ASB3: variants seen among roughly 807,000 people sequenced by gnomAD.
ASB3 encodes ankyrin repeat and SOCS box containing 3.
A neutral mutation model predicts 54.5 loss-of-function variants in ASB3; 41 were observed. That is an observed-to-expected ratio of 0.75 (90% CI 0.59 to 0.98). The LOEUF (loss-of-function observed/expected upper bound fraction) is 0.98. ASB3 is among the 50% of genes least tolerant of loss of function. ASB3 has a pLI of 0.00. For missense variants in ASB3, 733 were observed against 620.0 expected, an observed-to-expected ratio of 1.18 and a Z score of -1.94; for synonymous variants, 266 against 221.2, an observed-to-expected ratio of 1.20 and a Z score of -1.80.
intron 5 of ASB3, among the ~76,000 whole-genome samples, chr2:53,717,450 C>T (rs1181334662): frequency 1.3e-5 from 2 of 151,988 alleles, no homozygotes; most frequent in Non-Finnish European, 2.9e-5. Context: ...AAAAGGGTCT[C>T]TTTCAACAGG....
chr2:53,757,787 C>A (rs757880311), intron 2 of ASB3, among the ~76,000 whole-genome samples: 1 of 152,148 alleles, frequency 6.6e-6, no homozygotes, highest in Admixed American at 6.6e-5. Context: ...TGCCAGGGCC[C>A]CAAGTTTGTA....
chr2:53,723,542 C>A (rs1273793316), intron 5 of ASB3, among the ~76,000 whole-genome samples: 1 of 152,080 alleles, frequency 6.6e-6, no homozygotes, highest in African/African-American at 2.4e-5. Context: ...CTATTCCTAT[C>A]AAACTACCGA....
intron 5 of ASB3, among the ~76,000 whole-genome samples, chr2:53,724,415 G>A (rs1024598042): frequency 6.6e-5 from 10 of 152,022 alleles, no homozygotes; most frequent in African/African-American, 1.9e-4. Flanking sequence ...TGGCTAACAC[G>A]GTGAAAACCC....
chr2:53,694,071 C>T (rs1669058536), intron 8 of ASB3, 57 bp from the exon 9 acceptor site: 48 of 1,589,456 alleles, frequency 3.0e-5, no homozygotes, highest in Non-Finnish European at 4.0e-5. Context: ...AGGGTTCGTA[C>T]TTGAAACAAA....
At chr2:53,725,635 T>C (rs1039019343) in intron 5 of ASB3, among the ~76,000 whole-genome samples, 4 of 152,050 alleles carry the variant, frequency 2.6e-5, no homozygotes, top group Non-Finnish European at 1.5e-5. Context: ...ACCATGAGAG[T>C]TTTTTAAATT....
intron 1 of ASB3, chr2:53,771,991 T>TG: frequency 9.4e-7 from 1 of 1,068,424 alleles, no homozygotes; most frequent in African/African-American, 1.6e-5. Context: ...TATAAAATGT[T>TG]GCGATGTTTC....
chr2:53,744,372 G>A (rs57669888), intron 3 of ASB3, among the ~76,000 whole-genome samples: 10,752 of 144,166 alleles, frequency 0.075, 557 homozygotes, highest in East Asian at 0.12. Flanking sequence ...CAGACAGAGC[G>A]AGACTCTGTC....
intron 1 of ASB3, among the ~76,000 whole-genome samples, chr2:53,777,647 T>C (rs1011305048): frequency 6.6e-6 from 1 of 152,138 alleles, no homozygotes; most frequent in Non-Finnish European, 1.5e-5. Context: ...TGGTCCCACA[T>C]TACCTCCCTG....
chr2:53,733,138 A>T (rs1445243877), intron 3 of ASB3, among the ~76,000 whole-genome samples: 1 of 152,188 alleles, frequency 6.6e-6, no homozygotes, highest in Non-Finnish European at 1.5e-5. Context: ...TTCCATGGAG[A>T]TAGTGGGAAT....
At chr2:53,691,990 G>C (rs577487592) in intron 9 of ASB3, among the ~76,000 whole-genome samples, 2 of 152,150 alleles carry the variant, frequency 1.3e-5, no homozygotes, top group African/African-American at 4.8e-5. Flanking sequence ...TCTCAACCTC[G>C]GCGCTACTGA....
At position 53,716,607 on chromosome 2, in the gene ASB3, C is replaced by T; in HGVS notation, c.741G>A (p.Trp247Ter). Residue 247 changes from tryptophan (W) to a stop codon, truncating the protein, a stop_gained, in exon 6 of 10, where the codon TGG (tryptophan) becomes TGA (stop). Coordinates refer to ENST00000263634, the MANE Select transcript of ASB3 (RefSeq NM_016115.5). LOFTEE classifies it high-confidence loss of function. ...DPDLYCNEDS[W>*]QLPIHAAAQM... ...GTGCAGCTGCATGAATAGGTAACTG[C>T]CAACTGTCCTCATTACAGTAAAGAT... 6.2e-7 allele frequency: 1 copy of T among 1,613,964 alleles called. No individual in the cohort carries two copies. Among genetic ancestry groups the T allele is most frequent in the Non-Finnish European group, 8.5e-7 (1 of 1,179,888 alleles).
rs1672252696 is a variant in ASB3, at chr2:53,746,793, T to G, written c.355+3990A>C. 2.0e-5 allele frequency among the ~76,000 whole-genome samples: 3 copies of G among 152,150 alleles called. No individual in the cohort carries two copies. In the South Asian group the frequency reaches 6.2e-4, roughly 32 times the overall value. ...CCACACCTGGCCCTTCCACATTATGTTTTTACAAACACTAAGGCTCTACTT... is the reference window on the plus strand; with the variant it reads ...CCACACCTGGCCCTTCCACATTATGGTTTTACAAACACTAAGGCTCTACTT... On this transcript the variant is annotated intron_variant, in intron 3 of 9. Coordinates refer to ENST00000263634, the MANE Select transcript of ASB3 (RefSeq NM_016115.5).
At chr2:53,674,802 G>GTC (rs1423707526) in intron 9 of ASB3, among the ~76,000 whole-genome samples, 1 of 151,796 alleles carries the variant, frequency 6.6e-6, no homozygotes, top group East Asian at 1.9e-4. Flanking sequence ...TACTTGTGTT[G>GTC]TCTCTCTCAT....
intron 1 of ASB3, chr2:53,786,462 C>G (rs1675010224): frequency 6.6e-6 from 1 of 152,204 alleles, no homozygotes; most frequent in Non-Finnish European, 1.5e-5. Context: ...TTTCCCCTAA[C>G]ACAGAGTTGC....
intron 3 of ASB3, among the ~76,000 whole-genome samples, chr2:53,740,371 C>T (rs968372023): frequency 6.6e-6 from 1 of 152,140 alleles, no homozygotes; most frequent in African/African-American, 2.4e-5. Flanking sequence ...ATACTGACAT[C>T]TGGTGGCACT....
intron 9 of ASB3, among the ~76,000 whole-genome samples, chr2:53,687,018 C>A (rs1473318544): frequency 6.6e-6 from 1 of 152,176 alleles, no homozygotes; most frequent in Non-Finnish European, 1.5e-5. Flanking sequence ...TGGCGCCTGG[C>A]CAATTGCTCC....
chr2:53,767,126 C>T lies in ASB3; in HGVS notation c.-13-1541G>A, dbSNP rs948427792. On this transcript the variant is annotated intron_variant, in intron 1 of 9. Coordinates refer to ENST00000263634, the MANE Select transcript of ASB3 (RefSeq NM_016115.5). ...AATTTTGTATACAAATTCAGGTTCC[C>T]CAGCTCGTTTCCAAAGCCTTTACAG... The T allele has an allele frequency of 3.3e-5, 5 of 152,136 alleles. No homozygotes were observed. In the South Asian group the frequency reaches 1.0e-3, roughly 32 times the overall value. The allele number at this position is 152,136 out of a possible 1,614,324, so 9.4% of individuals were successfully genotyped here.
chr2:53,696,937 G>T (rs1669213980), intron 8 of ASB3, among the ~76,000 whole-genome samples: 1 of 152,018 alleles, frequency 6.6e-6, no homozygotes, highest in Admixed American at 6.6e-5. Context: ...CTTGAATAGG[G>T]GCTAGGTAAA....
intron 3 of ASB3, among the ~76,000 whole-genome samples, chr2:53,734,173 G>A (rs1030101777): frequency 1.1e-4 from 17 of 152,142 alleles, no homozygotes; most frequent in African/African-American, 3.6e-4. Context: ...TTTTGTTTAT[G>A]GCCAGTTTTC....
Sources: gnomAD v4.1 joint callset for allele counts (sites outside exome capture counted in the v4.1 genomes callset) on GRCh38, gnomAD v4.1.1 for gene constraint, MANE v1.5 for transcripts, NCBI Gene and HGNC (gene_info 2026-07-23, HGNC 2026-07-21) for gene names.